Variants in EDN1 observed in about 807,000 individuals in gnomAD.
EDN1 encodes endothelin-1.
A neutral mutation model predicts 21.7 loss-of-function variants in EDN1; 11 were observed. That is an observed-to-expected ratio of 0.51 (90% CI 0.32 to 0.84). EDN1 has a LOEUF of 0.84. EDN1 is among the 40% of genes least tolerant of loss of function. EDN1 has a pLI of 0.03. For missense variants in EDN1, 244 were observed against 262.3 expected, an observed-to-expected ratio of 0.93 and a Z score of 0.48; for synonymous variants, 85 against 90.6, an observed-to-expected ratio of 0.94 and a Z score of 0.35.
At position 12,296,359 on chromosome 6, in the gene EDN1, G is replaced by GGA. The variant is rs142576582; in HGVS notation, c.*304_*305dup. The stretch of plus-strand genomic sequence containing the variant: ...CATTCGAATTCGGGTGGCATCCTCC[G>GGA]GAGAGAGAGAGAGGAAGGAGATTCC... On this transcript the variant is annotated 3_prime_UTR_variant, in exon 5 of 5. Transcript: ENST00000379375. 2.2e-5 allele frequency: 8 copies of GGA among 365,114 alleles called. No individual in the cohort carries two copies. Among genetic ancestry groups the GGA allele is most frequent in the Non-Finnish European group, 3.7e-5 (7 of 189,372 alleles). The allele number at this position is 365,114 out of a possible 1,614,324, so 22.6% of individuals were successfully genotyped here.
chr6:12,261,749 GTATT>G, the EDN1 span, among the ~76,000 whole-genome samples: 2 of 152,206 alleles, frequency 1.3e-5, no homozygotes, highest in African/African-American at 4.8e-5. Flanking sequence ...GGCGGCGCAT[GTATT>G]TAAAGAACAG....
At chr6:12,265,218 T>C in the EDN1 span, among the ~76,000 whole-genome samples, 1 of 152,218 alleles carries the variant, frequency 6.6e-6, no homozygotes, top group Non-Finnish European at 1.5e-5. Flanking sequence ...ACCTGTCCAA[T>C]GCCAAGCGAT....
rs1762773118 is a variant in EDN1, at chr6:12,294,552, A to G, written c.533+148A>G. On this transcript the variant is annotated intron_variant, in intron 4 of 4. Coordinates refer to ENST00000379375, the MANE Select transcript of EDN1 (RefSeq NM_001955.5). ...GTAGCAGAGGAGATCTATGCATCCTATAGATTAAAAGGAGCAAAAGAATCC... is the reference window on the plus strand; with the variant it reads ...GTAGCAGAGGAGATCTATGCATCCTGTAGATTAAAAGGAGCAAAAGAATCC... 7.9e-6 allele frequency: 7 copies of G among 890,742 alleles called. No homozygotes were observed. The East Asian group carries it at 1.8e-4, about 23-fold the overall frequency. 55.2% of individuals were successfully genotyped at this position (890,742 alleles called of 1,614,324 possible). A position where few individuals can be genotyped will look rare whatever the true frequency, so the allele number is the denominator to read the frequency against.
At chr6:12,279,657 C>T in the EDN1 span, among the ~76,000 whole-genome samples, 2 of 152,184 alleles carry the variant, frequency 1.3e-5, no homozygotes, top group Non-Finnish European at 2.9e-5. Context: ...CCTGTGCCTC[C>T]TTGCACATTC....
the EDN1 span, among the ~76,000 whole-genome samples, chr6:12,258,635 T>C: frequency 1.1e-4 from 17 of 152,112 alleles, no homozygotes; most frequent in African/African-American, 4.1e-4. Context: ...CCTTTCAACG[T>C]GTGTGAACCT....
At chr6:12,286,444 G>A (rs1042189750), upstream of EDN1, among the ~76,000 whole-genome samples, 2 of 152,216 alleles carry the variant, frequency 1.3e-5, no homozygotes, top group African/African-American at 2.4e-5. Context: ...GCTACATAGA[G>A]TAGAAATGTA....
chr6:12,239,300 AT>A, the EDN1 span, among the ~76,000 whole-genome samples: 1 of 152,176 alleles, frequency 6.6e-6, no homozygotes, highest in Non-Finnish European at 1.5e-5. Flanking sequence ...ACATAATAGG[AT>A]TGCTAATTAT....
At position 12,295,909 on chromosome 6, in the gene EDN1, A is replaced by G. The variant is rs1382918486; in HGVS notation, c.534-53A>G. On this transcript the variant is annotated intron_variant, in intron 4 of 4. Coordinates refer to ENST00000379375, the MANE Select transcript of EDN1 (RefSeq NM_001955.5). ...TCTAATTTTACATGTTTCTTTTGCC[A>G]AAGGGTGATTTTTTTAAAATAACAT... is the stretch of plus-strand genomic sequence containing the variant. 3.8e-6 allele frequency: 6 copies of G among 1,571,120 alleles called. No homozygotes were observed. In the African/African-American group the frequency reaches 8.8e-5, roughly 23 times the overall value.
At chr6:12,238,116 G>T in the EDN1 span, among the ~76,000 whole-genome samples, 1 of 147,280 alleles carries the variant, frequency 6.8e-6, no homozygotes, top group Non-Finnish European at 1.5e-5. Flanking sequence ...AAGTTGCAGT[G>T]AGTTGAGATG....
chr6:12,284,399 C>G, the EDN1 span, among the ~76,000 whole-genome samples: 2 of 151,974 alleles, frequency 1.3e-5, no homozygotes, highest in Non-Finnish European at 2.9e-5. Flanking sequence ...ATATTCCCAG[C>G]TACTCAAGAG....
At chr6:12,284,783 G>GAAAT in the EDN1 span, among the ~76,000 whole-genome samples, 1 of 151,230 alleles carries the variant, frequency 6.6e-6, no homozygotes, top group African/African-American at 2.4e-5. Flanking sequence ...AAGAAAGAAA[G>GAAAT]AAAGAAAGAA....
chr6:12,286,852 G>A (rs1312763391), upstream of EDN1, among the ~76,000 whole-genome samples: 5 of 152,154 alleles, frequency 3.3e-5, no homozygotes, highest in Non-Finnish European at 4.4e-5. Flanking sequence ...GGTGGCTCAC[G>A]CCTGTAATCA....
chr6:12,293,730 A>G (rs1762748979), intron 2 of EDN1, among the ~76,000 whole-genome samples: 1 of 152,206 alleles, frequency 6.6e-6, no homozygotes, highest in Non-Finnish European at 1.5e-5. Context: ...ACTGAATTAG[A>G]AAAACTTGTT....
At chr6:12,268,841 A>G in the EDN1 span, among the ~76,000 whole-genome samples, 1 of 152,042 alleles carries the variant, frequency 6.6e-6, no homozygotes, top group African/African-American at 2.4e-5. Flanking sequence ...AACTTTTTCT[A>G]TTCCTGTGAA....
At position 12,296,141 on chromosome 6, in the gene EDN1, G is replaced by C; in HGVS notation, c.*74G>C. Reference sequence around the variant, plus strand: ...TGGCCGACTCTGCACTCTCCACCCTGGCTGGGATCAGAGCAGGAGCATCCT... The same window carrying C: ...TGGCCGACTCTGCACTCTCCACCCTCGCTGGGATCAGAGCAGGAGCATCCT... On this transcript the variant is annotated 3_prime_UTR_variant, in exon 5 of 5. Transcript: ENST00000379375. 7.4e-7 allele frequency: 1 copy of C among 1,354,092 alleles called. No homozygotes were observed. The highest frequency in any genetic ancestry group is 1.1e-6 in the Non-Finnish European group (1 of 944,952). 83.9% of individuals were successfully genotyped at this position (1,354,092 alleles called of 1,614,324 possible).
chr6:12,264,256 G>C, the EDN1 span, among the ~76,000 whole-genome samples: 1 of 152,170 alleles, frequency 6.6e-6, no homozygotes, highest in African/African-American at 2.4e-5. Flanking sequence ...GAGTCTAAGA[G>C]AGAGCAACTC....
At chr6:12,282,323 A>C in the EDN1 span, among the ~76,000 whole-genome samples, 2 of 152,372 alleles carry the variant, frequency 1.3e-5, no homozygotes, top group South Asian at 4.1e-4. Context: ...GCCAGAAAGA[A>C]ACAAGGCTGT....
At chr6:12,264,083 A>G in the EDN1 span, among the ~76,000 whole-genome samples, 1 of 152,346 alleles carries the variant, frequency 6.6e-6, no homozygotes, top group South Asian at 2.1e-4. Context: ...GTAATTCCTA[A>G]TATAAAATTA....
At chr6:12,293,803 C>A in intron 2 of EDN1, 138 bp from the exon 3 acceptor site, 1 of 956,708 alleles carries the variant, frequency 1.0e-6, no homozygotes, top group Admixed American at 2.2e-5. Flanking sequence ...GCTGTTGTTA[C>A]ACTTTACCCT....
Sources: gnomAD v4.1 joint callset for allele counts (sites outside exome capture counted in the v4.1 genomes callset) on GRCh38, gnomAD v4.1.1 for gene constraint, MANE v1.5 for transcripts, NCBI Gene and HGNC (gene_info 2026-07-23, HGNC 2026-07-21) for gene names.